Variants in LPGAT1 observed in about 807,000 individuals in gnomAD.
The protein encoded by LPGAT1 is acyl-CoA:lysophosphatidylglycerol acyltransferase 1.
In LPGAT1, 11 loss-of-function variants were observed where a neutral mutation model predicts 47.5. That is an observed-to-expected ratio of 0.23 (90% CI 0.15 to 0.38). The LOEUF (loss-of-function observed/expected upper bound fraction) is 0.38. Among genes scored for constraint, LPGAT1 ranks in the 10% least tolerant of loss-of-function variants. LPGAT1 has a pLI of 1.00. For missense variants in LPGAT1, 293 were observed against 439.0 expected (o/e 0.67, Z 2.97); for synonymous variants, 138 against 144.2 (o/e 0.96, Z 0.31).
At chr1:211,771,615 T>C (rs1443120080) in intron 6 of LPGAT1, among the ~76,000 whole-genome samples, 2 of 152,124 alleles carry the variant, frequency 1.3e-5, no homozygotes, top group Non-Finnish European at 2.9e-5. Context: ...GCAATTCTCA[T>C]GACTCAGCCT....
rs879652506 is a variant in LPGAT1, at chr1:211,809,199, C to CA, written c.239-16010dup. On this transcript the variant is annotated intron_variant, in intron 2 of 7. Coordinates refer to ENST00000366997, the MANE Select transcript of LPGAT1 (RefSeq NM_014873.3). ...CAGCCTGGGCGACAGTGCGAGACTC[C>CA]AAAAAAAAAAAATTAATTGTGTTAA... 3.2e-3 allele frequency among the ~76,000 whole-genome samples: 459 copies of CA among 143,916 alleles called. 1 individual carries two copies. Among genetic ancestry groups the CA allele is most frequent in the African/African-American group, 9.9e-3 (391 of 39,450 alleles). The allele number at this position is 143,916 out of a possible 152,430, so 94.4% of individuals were successfully genotyped here.
chr1:211,779,236 A>G, intron 5 of LPGAT1, among the ~76,000 whole-genome samples, 192 bp from the exon 6 acceptor site: 1 of 152,190 alleles, frequency 6.6e-6, no homozygotes, highest in East Asian at 1.9e-4. Flanking sequence ...TATGTTATAA[A>G]ATGGATGAAC....
At chr1:211,755,958 C>A (rs1182925886) in intron 6 of LPGAT1, among the ~76,000 whole-genome samples, 2 of 152,088 alleles carry the variant, frequency 1.3e-5, no homozygotes, top group Non-Finnish European at 2.9e-5. Context: ...CTGTAAAATC[C>A]CCTATTATCT....
chr1:211,802,804 G>A (rs919741619), intron 2 of LPGAT1, among the ~76,000 whole-genome samples: 1 of 152,082 alleles, frequency 6.6e-6, no homozygotes, highest in African/African-American at 2.4e-5. Context: ...TAGCACAGTG[G>A]ATAAAAACAG....
chr1:211,778,073 T>C (rs980555986), intron 6 of LPGAT1, among the ~76,000 whole-genome samples: 1 of 152,160 alleles, frequency 6.6e-6, no homozygotes, highest in Non-Finnish European at 1.5e-5. Context: ...CTGGGCGCGG[T>C]GGCTCACGCC....
At chr1:211,793,742 C>T (rs1284014504) in intron 2 of LPGAT1, among the ~76,000 whole-genome samples, 4 of 152,054 alleles carry the variant, frequency 2.6e-5, no homozygotes, top group East Asian at 3.9e-4. Context: ...TATGGTCATA[C>T]CTTTGATCTA....
chr1:211,777,721 T>A (rs1401937899), intron 6 of LPGAT1, among the ~76,000 whole-genome samples: 1 of 152,178 alleles, frequency 6.6e-6, no homozygotes, highest in Non-Finnish European at 1.5e-5. Flanking sequence ...TAAAAACAAA[T>A]TCAATTTCTA....
At chr1:211,766,982 A>G (rs1304027266) in intron 6 of LPGAT1, among the ~76,000 whole-genome samples, 2 of 150,596 alleles carry the variant, frequency 1.3e-5, no homozygotes, top group African/African-American at 4.9e-5. Context: ...ATATCTTCCA[A>G]TTAGAGAATA....
intron 2 of LPGAT1, among the ~76,000 whole-genome samples, chr1:211,813,388 G>A (rs1660064818): frequency 6.6e-6 from 1 of 152,098 alleles, no homozygotes. Context: ...CTTACTTAAA[G>A]CTCCTCAAAT....
intron 3 of LPGAT1, among the ~76,000 whole-genome samples, 170 bp from the exon 4 acceptor site, chr1:211,787,897 A>C (rs968829132): frequency 1.3e-4 from 20 of 152,350 alleles, no homozygotes; most frequent in Admixed American, 1.1e-3. Context: ...TAGTGTCTAC[A>C]TGAAAAATTA....
At chr1:211,779,126 G>GT (rs1190906227) in intron 5 of LPGAT1, 82 bp from the exon 6 acceptor site, 1 of 1,161,470 alleles carries the variant, frequency 8.6e-7, no homozygotes, top group East Asian at 2.6e-5. Flanking sequence ...CTTGACCAGT[G>GT]TAAGATATAT....
rs1407899417 is a variant in LPGAT1 at position 211,791,756 on chromosome 1, A to C, written c.357+1316T>G. The stretch of plus-strand genomic sequence containing the variant: ...TGCAAGACTCCATCTCAAAAAAAAA[A>C]AAAAAAAAACAAACAAACAAAAAAA... On this transcript the variant is annotated intron_variant, in intron 3 of 7. Transcript: ENST00000366997. 1.9e-4 allele frequency among the ~76,000 whole-genome samples: 29 copies of C among 149,268 alleles called. 1 individual carries two copies. Among genetic ancestry groups the C allele is most frequent in the African/African-American group, 2.9e-4 (12 of 40,982 alleles).
At position 211,748,461 on chromosome 1, in the gene LPGAT1, G is replaced by C. The variant is rs1657034274; in HGVS notation, c.*1438C>G. On this transcript the variant is annotated 3_prime_UTR_variant, in exon 8 of 8. Coordinates refer to ENST00000366997, the MANE Select transcript of LPGAT1 (RefSeq NM_014873.3). ...GCACTTTAGGAAGCCGAGGTGGGCA[G>C]ATCACCTGAGGTCAGGAGTTCGAGG... 1 of 152,280 alleles carries C rather than the reference G, an allele frequency of 6.6e-6. No individual in the cohort carries two copies. The highest frequency in any genetic ancestry group is 2.4e-5 in the African/African-American group (1 of 41,458). The allele number at this position is 152,280 out of a possible 1,614,324, so 9.4% of individuals were successfully genotyped here. A position where few individuals can be genotyped will look rare whatever the true frequency, so the allele number is the denominator to read the frequency against.
At chr1:211,827,807 A>G (rs1274511009) in intron 2 of LPGAT1, among the ~76,000 whole-genome samples, 1 of 152,222 alleles carries the variant, frequency 6.6e-6, no homozygotes, top group African/African-American at 2.4e-5. Context: ...AATCTCAACA[A>G]GACAGATGAC....
At chr1:211,805,725 G>T (rs1014203204) in intron 2 of LPGAT1, among the ~76,000 whole-genome samples, 1 of 152,018 alleles carries the variant, frequency 6.6e-6, no homozygotes, top group Non-Finnish European at 1.5e-5. Context: ...TTTCAAAAAA[G>T]AAATAATACA....
At position 211,778,962 on chromosome 1, in the gene LPGAT1, C is replaced by A. The variant is rs771757377; in HGVS notation, c.810G>T (p.Trp270Cys). 1 of 1,608,694 alleles carries A rather than the reference C, an allele frequency of 6.2e-7. No individual in the cohort carries two copies. Among genetic ancestry groups the A allele is most frequent in the African/African-American group, 1.3e-5 (1 of 74,590 alleles). ...PKAEPIDIQT[W>C]ILGYRKPTVT... The stretch of plus-strand genomic sequence containing the variant: ...CTGTTGGTTTCCTGTATCCAAGGAT[C>A]CAGGTTTGAATATCTATAGGTTCAG... Residue 270 changes from tryptophan to cysteine, a missense_variant, in exon 6 of 8, where the codon TGG becomes TGT. Transcript: ENST00000366997.
rs1365265142 is a variant in LPGAT1 at position 211,829,767 on chromosome 1, A to C, written c.-27-444T>G. ...TACTGAGGACCTCAGTCTCCTCACC[A>C]CCACGATTCCTGCACACCGATGCAT... On this transcript the variant is annotated intron_variant, in intron 1 of 7. Coordinates refer to ENST00000366997, the MANE Select transcript of LPGAT1 (RefSeq NM_014873.3). The C allele has an allele frequency of 1.1e-4, 105 of 994,868 alleles. 1 individual carries two copies. The highest frequency in any genetic ancestry group is 1.2e-4 in the Non-Finnish European group (101 of 835,402). 61.6% of individuals were successfully genotyped at this position (994,868 alleles called of 1,614,324 possible).
In LPGAT1 at chr1:211,749,524, G is replaced by T; in HGVS notation, c.*375C>A. ...GAGAACTGCCCTAATATAGACTACA[G>T]CTAAGAGGGATGAATATAACTTTCT... On this transcript the variant is annotated 3_prime_UTR_variant, in exon 8 of 8. Transcript: ENST00000366997. The T allele has an allele frequency of 4.0e-6, 1 of 249,148 alleles. No individual in the cohort carries two copies. The highest frequency in any genetic ancestry group is 7.7e-6 in the Non-Finnish European group (1 of 130,618). The allele number at this position is 249,148 out of a possible 1,614,324, so 15.4% of individuals were successfully genotyped here.
At chr1:211,803,515 A>G (rs992747299) in intron 2 of LPGAT1, among the ~76,000 whole-genome samples, 1 of 152,194 alleles carries the variant, frequency 6.6e-6, no homozygotes, top group African/African-American at 2.4e-5. Context: ...GGAGATCTAA[A>G]AATGAAAAGG....
Sources: gnomAD v4.1 joint callset for allele counts (sites outside exome capture counted in the v4.1 genomes callset) on GRCh38, gnomAD v4.1.1 for gene constraint, MANE v1.5 for transcripts, NCBI Gene and HGNC (gene_info 2026-07-23, HGNC 2026-07-21) for gene names.